The following OR1B1 variants were observed in gnomAD, a reference collection of about 807,000 sequenced individuals.
OR1B1 encodes the protein olfactory receptor family 1 subfamily B member 1.
For missense variants in OR1B1, 414 were observed against 402.1 expected, an observed-to-expected ratio of 1.03 and a Z score of -0.25; for synonymous variants, 168 against 156.2, an observed-to-expected ratio of 1.08 and a Z score of -0.57.
chr9:122,657,300 G>A, the OR1B1 span, among the ~76,000 whole-genome samples: 1 of 146,082 alleles, frequency 6.8e-6, no homozygotes, highest in Non-Finnish European at 1.5e-5. Context: ...CAATTATGAG[G>A]CAGCTACTAT....
the OR1B1 span, among the ~76,000 whole-genome samples, chr9:122,642,937 G>T: frequency 6.6e-6 from 1 of 152,208 alleles, no homozygotes; most frequent in South Asian, 2.1e-4. Flanking sequence ...AAAGATTTTT[G>T]TAAGGACTAG....
At chr9:122,632,306 A>C (rs976834168), upstream of OR1B1, among the ~76,000 whole-genome samples, 4 of 152,034 alleles carry the variant, frequency 2.6e-5, no homozygotes, top group Non-Finnish European at 4.4e-5. Context: ...CAAAAAAAAA[A>C]CATATTTTTA....
At chr9:122,632,347 A>G (rs903249378), upstream of OR1B1, among the ~76,000 whole-genome samples, 1 of 152,210 alleles carries the variant, frequency 6.6e-6, no homozygotes, top group South Asian at 2.1e-4. Context: ...AGAAAACAAA[A>G]ACATTCACAT....
At chr9:122,630,548 A>C (rs1048986530), upstream of OR1B1, among the ~76,000 whole-genome samples, 14 of 152,176 alleles carry the variant, frequency 9.2e-5, no homozygotes, top group Admixed American at 3.9e-4. Context: ...CCATACTGAT[A>C]CTGGAATAAA....
chr9:122,640,446 G>A, the OR1B1 span, among the ~76,000 whole-genome samples: 3 of 152,034 alleles, frequency 2.0e-5, no homozygotes, highest in Non-Finnish European at 1.5e-5. Context: ...ATATAATGGA[G>A]GGCTAATAAT....
the OR1B1 span, among the ~76,000 whole-genome samples, chr9:122,649,609 AAAAG>A: frequency 6.6e-6 from 1 of 152,242 alleles, no homozygotes; most frequent in South Asian, 2.1e-4. Flanking sequence ...GACACTTCTC[AAAAG>A]AAGACATTTA....
chr9:122,630,577 C>G (rs565960854), upstream of OR1B1, among the ~76,000 whole-genome samples: 5 of 152,268 alleles, frequency 3.3e-5, no homozygotes, highest in South Asian at 1.0e-3. Context: ...TATGTGACTC[C>G]TTGTTTAAAT....
At chr9:122,655,263 G>A in the OR1B1 span, among the ~76,000 whole-genome samples, 1 of 152,048 alleles carries the variant, frequency 6.6e-6, no homozygotes, top group Non-Finnish European at 1.5e-5. Flanking sequence ...ACTAATTTGG[G>A]AGTTAAATTT....
At chr9:122,629,416 G>C (rs770223134) in exon 1 of OR1B1, 7 of 1,613,916 alleles carry the variant, frequency 4.3e-6, no homozygotes, top group Middle Eastern at 1.7e-4. Context: ...TCCCCAGTAT[G>C]GTGGTCAGGT....
chr9:122,639,906 C>A, the OR1B1 span, among the ~76,000 whole-genome samples: 1 of 151,894 alleles, frequency 6.6e-6, no homozygotes, highest in East Asian at 1.9e-4. Context: ...AGTAGTAGAA[C>A]AAGAAGCTAA....
downstream of OR1B1, chr9:122,628,578 A>T (rs1377506573): frequency 1.3e-6 from 2 of 1,581,718 alleles, no homozygotes; most frequent in Non-Finnish European, 1.7e-6. Flanking sequence ...CAGCAGGCTA[A>T]TCAGGGGTCT....
At chr9:122,635,995 C>G in the OR1B1 span, among the ~76,000 whole-genome samples, 1 of 152,106 alleles carries the variant, frequency 6.6e-6, no homozygotes, top group Admixed American at 6.5e-5. Context: ...TCCCTTTAAA[C>G]TATTGAAAAA....
the OR1B1 span, among the ~76,000 whole-genome samples, chr9:122,656,598 T>C: frequency 6.6e-6 from 1 of 152,212 alleles, no homozygotes; most frequent in African/African-American, 2.4e-5. Flanking sequence ...TCTCGTGTCA[T>C]GCCCTCAGAC....
the OR1B1 span, among the ~76,000 whole-genome samples, chr9:122,651,525 C>A: frequency 6.6e-6 from 1 of 152,096 alleles, no homozygotes; most frequent in African/African-American, 2.4e-5. Context: ...ATTTCTATGA[C>A]ATCCACTTTT....
chr9:122,646,518 C>T, the OR1B1 span, among the ~76,000 whole-genome samples: 1 of 148,364 alleles, frequency 6.7e-6, no homozygotes, highest in African/African-American at 2.5e-5. Flanking sequence ...TATTCCATGC[C>T]AATGAAGACC....
downstream of OR1B1, chr9:122,628,455 A>C: frequency 1.5e-6 from 1 of 674,554 alleles, no homozygotes; most frequent in Middle Eastern, 4.2e-4. Flanking sequence ...CATTGACAAG[A>C]GCCAAATCTG....
chr9:122,654,052 T>C, the OR1B1 span, among the ~76,000 whole-genome samples: 3 of 152,200 alleles, frequency 2.0e-5, no homozygotes, highest in Non-Finnish European at 4.4e-5. Context: ...CTCTTTTCCA[T>C]ACTCTATGTA....
chr9:122,643,235 A>G, the OR1B1 span, among the ~76,000 whole-genome samples: 1 of 152,154 alleles, frequency 6.6e-6, no homozygotes, highest in Non-Finnish European at 1.5e-5. Flanking sequence ...TGAATCTCTG[A>G]TGCCACCCCT....
At chr9:122,634,609 G>A in the OR1B1 span, among the ~76,000 whole-genome samples, 1 of 152,002 alleles carries the variant, frequency 6.6e-6, no homozygotes, top group Non-Finnish European at 1.5e-5. Flanking sequence ...CAGCATGGGG[G>A]AAACCACCCC....
Sources: allele counts gnomAD v4.1 joint callset (sites outside exome capture counted in the v4.1 genomes callset), GRCh38; gene constraint gnomAD v4.1.1; transcripts MANE v1.5; gene names NCBI Gene and HGNC (gene_info 2026-07-23, HGNC 2026-07-21).